Variants in XRN1 observed in about 807,000 individuals in gnomAD.
The protein encoded by XRN1 is 5'-3' exoribonuclease 1.
XRN1 carries 67 observed loss-of-function variants against 222.3 expected under a neutral mutation model. The observed-to-expected ratio is 0.30, with a 90% CI of 0.25 to 0.37. XRN1 has a LOEUF of 0.37. XRN1 is among the 10% of genes least tolerant of loss of function. The pLI is 1.00. For missense variants in XRN1, 1,707 were observed against 2,000.2 expected, an observed-to-expected ratio of 0.85 and a Z score of 2.80; for synonymous variants, 643 against 652.4, an observed-to-expected ratio of 0.99 and a Z score of 0.22.
intron 27 of XRN1, among the ~76,000 whole-genome samples, chr3:142,367,174 C>A (rs2066842282): frequency 6.6e-6 from 1 of 152,108 alleles, no homozygotes; most frequent in Non-Finnish European, 1.5e-5. Flanking sequence ...GTAGTCCCAG[C>A]TACTCAGGAG....
intron 13 of XRN1, among the ~76,000 whole-genome samples, chr3:142,414,697 T>G (rs1299135010): frequency 6.6e-6 from 1 of 151,948 alleles, no homozygotes; most frequent in Non-Finnish European, 1.5e-5. Flanking sequence ...GGGTTTCACC[T>G]TGTTAGCCAG....
In XRN1 at chr3:142,422,718, C is replaced by T. The variant is rs769871255; in HGVS notation, c.831G>A (p.Arg277=). The T allele has an allele frequency of 1.9e-6, 3 of 1,611,946 alleles. No individual in the cohort carries two copies. Among genetic ancestry groups the T allele is most frequent in the Admixed American group, 1.7e-5 (1 of 59,766 alleles). Residue 277 remains arginine (R), a synonymous_variant, in exon 8 of 41, where the codon AGG becomes AGA. Transcript: ENST00000392981. ...EKITFKYDIE[R]IIDDWILMGF... ...CCATCAAAATCCAATCATCTATTAT[C>T]CTTTCAATATCATATTTAAATGTGA...
chr3:142,391,717 T>C (rs925656687), intron 20 of XRN1, among the ~76,000 whole-genome samples: 2 of 141,106 alleles, frequency 1.4e-5, no homozygotes, highest in Admixed American at 7.4e-5. Flanking sequence ...CTGAGTGACA[T>C]AGTAAGACCC....
Position 142,384,649 on chromosome 3 carries a change from T to A in XRN1, c.2376A>T (p.Thr792=), listed in dbSNP as rs1030977858. 3 of 1,602,902 alleles carry A rather than the reference T, an allele frequency of 1.9e-6. No homozygotes were observed. The highest frequency in any genetic ancestry group is 2.6e-6 in the Non-Finnish European group (3 of 1,175,960). The change falls in exon 21 of 41, where the codon ACA becomes ACT. Residue 792 remains threonine (T), a synonymous_variant. Coordinates refer to ENST00000392981, the MANE Select transcript of XRN1 (RefSeq NM_001282857.2). ...LRRKGIIINE[T]SAVVYAQLLT... is the part of the protein sequence containing the mutation. ...GTAACTGAGCATACACAACTGCAGA[T>A]GTTTCATTTATTATTATTCCTTTTC...
At chr3:142,397,573 A>G in intron 19 of XRN1, 113 bp from the exon 20 acceptor site, 1 of 708,994 alleles carries the variant, frequency 1.4e-6, no homozygotes, top group Non-Finnish European at 2.0e-6. Flanking sequence ...ACTAGCAAAA[A>G]ACCCCACAAC....
chr3:142,406,927 A>C (rs76657452), intron 15 of XRN1, among the ~76,000 whole-genome samples: 1 of 152,212 alleles, frequency 6.6e-6, no homozygotes, highest in Non-Finnish European at 1.5e-5. Flanking sequence ...CTGGTACAAA[A>C]TGTTTGTGAA....
At chr3:142,444,149 A>C (rs981477431) in intron 1 of XRN1, among the ~76,000 whole-genome samples, 1 of 152,230 alleles carries the variant, frequency 6.6e-6, no homozygotes, top group Non-Finnish European at 1.5e-5. Context: ...AACTGAAAGA[A>C]CGAATAAGAC....
At chr3:142,379,824 T>C (rs1032416839) in intron 23 of XRN1, among the ~76,000 whole-genome samples, 3 of 152,252 alleles carry the variant, frequency 2.0e-5, no homozygotes, top group Admixed American at 1.3e-4. Context: ...GTGCCTCTTA[T>C]AAGCTTGAAC....
intron 1 of XRN1, chr3:142,435,946 GCTACCTGGGAGGCT>G (rs1327823205): frequency 7.3e-5 from 11 of 151,622 alleles, no homozygotes; most frequent in African/African-American, 2.4e-4. Flanking sequence ...TGTAGTCCCA[GCTACCTGGGAGGCT>G]GAGGCGGGAG....
At chr3:142,353,264 C>G (rs1283661289) in intron 32 of XRN1, among the ~76,000 whole-genome samples, 2 of 152,126 alleles carry the variant, frequency 1.3e-5, no homozygotes, top group Non-Finnish European at 2.9e-5. Context: ...CAAAAATTAT[C>G]TATACTCTCG....
intron 32 of XRN1, among the ~76,000 whole-genome samples, chr3:142,351,958 C>T (rs1351994210): frequency 6.6e-6 from 1 of 151,014 alleles, no homozygotes; most frequent in African/African-American, 2.4e-5. Flanking sequence ...ACTCCTCTTA[C>T]CCTTATTTCT....
intron 30 of XRN1, among the ~76,000 whole-genome samples, chr3:142,357,343 C>T (rs902824590): frequency 6.6e-6 from 1 of 152,092 alleles, no homozygotes; most frequent in African/African-American, 2.4e-5. Flanking sequence ...GTAGAGAAAA[C>T]CCAACTATGT....
Position 142,318,689 on chromosome 3 carries a change from G to A in XRN1, c.4524C>T (p.Ser1508=), listed in dbSNP as rs754158588. ...AALFALQQLG[S]LGMNFPLPSQ... is the part of the protein sequence containing the mutation. ...AAGGCAAAGGGAAATTCATGCCTAA[G>A]GAGCCCTGTGGAAGTATTTAAAAGT... The change falls in exon 39 of 41, where the codon TCC becomes TCT. Residue 1508 remains serine (S), a synonymous_variant. Coordinates refer to ENST00000392981, the MANE Select transcript of XRN1 (RefSeq NM_001282857.2). 6.2e-7 allele frequency: 1 copy of A among 1,609,266 alleles called. No homozygotes were observed. Among genetic ancestry groups the A allele is most frequent in the South Asian group, 1.1e-5 (1 of 90,068 alleles).
At chr3:142,343,448 C>A in intron 33 of XRN1, among the ~76,000 whole-genome samples, 1 of 149,684 alleles carries the variant, frequency 6.7e-6, no homozygotes, top group Non-Finnish European at 1.5e-5. Flanking sequence ...GAGCGAAATT[C>A]CGTCTTAAAA....
intron 37 of XRN1, among the ~76,000 whole-genome samples, chr3:142,327,589 C>T (rs1169581130): frequency 6.7e-6 from 1 of 149,086 alleles, no homozygotes; most frequent in Non-Finnish European, 1.5e-5. Flanking sequence ...AGTATCAATT[C>T]ATTAATTTCT....
intron 15 of XRN1, among the ~76,000 whole-genome samples, chr3:142,407,459 A>G (rs1339241996): frequency 6.6e-6 from 1 of 152,126 alleles, no homozygotes; most frequent in Non-Finnish European, 1.5e-5. Context: ...CCTCCTGAGT[A>G]GCTGGGACTA....
At chr3:142,336,189 T>C (rs1224734089) in intron 33 of XRN1, among the ~76,000 whole-genome samples, 1 of 152,122 alleles carries the variant, frequency 6.6e-6, no homozygotes, top group East Asian at 1.9e-4. Context: ...TTTGAGAGAT[T>C]ATTTTCATAG....
intron 33 of XRN1, among the ~76,000 whole-genome samples, chr3:142,345,078 G>A (rs1400412085): frequency 6.6e-6 from 1 of 152,170 alleles, no homozygotes; most frequent in Non-Finnish European, 1.5e-5. Flanking sequence ...TGAGAGTCCA[G>A]AAATGAACCC....
chr3:142,412,582 C>T lies in XRN1; in HGVS notation c.1675G>A (p.Glu559Lys). 1.2e-6 allele frequency: 2 copies of T among 1,608,008 alleles called. No homozygotes were observed. The highest frequency in any genetic ancestry group is 1.7e-6 in the Non-Finnish European group (2 of 1,176,014). The change falls in exon 15 of 41, where the codon GAA (glutamate) becomes AAA (lysine). Residue 559 changes from glutamate to lysine, a missense_variant. By Grantham distance (56) the Glu-to-Lys change is moderately conservative. Around this residue, in one of 2 missense-constraint regions of XRN1, gnomAD observed 1,234 missense variants for 1,518.2 expected, o/e 0.81. Coordinates refer to ENST00000392981, the MANE Select transcript of XRN1 (RefSeq NM_001282857.2). ...FKTDLNGKQQ[E>K]WEAVVLIPFI... ...GGGATTAACACCACAGCTTCCCATTCCTGTTGTTTCCCATTTAGGTCAGTT... is the reference window on the plus strand; with the variant it reads ...GGGATTAACACCACAGCTTCCCATTTCTGTTGTTTCCCATTTAGGTCAGTT...
Sources: allele counts gnomAD v4.1 joint callset (sites outside exome capture counted in the v4.1 genomes callset), GRCh38; gene constraint gnomAD v4.1.1; regional missense constraint gnomAD v4.1.1; transcripts MANE v1.5; gene names NCBI Gene and HGNC (gene_info 2026-07-23, HGNC 2026-07-21).